SGCZ: variants seen among roughly 807,000 people sequenced by gnomAD.
The protein encoded by SGCZ is sarcoglycan zeta.
A neutral mutation model predicts 41.3 loss-of-function variants in SGCZ; 40 were observed. The ratio of observed to expected loss-of-function variants is 0.97; its 90% CI spans 0.75 to 1.26. SGCZ has a LOEUF of 1.26. SGCZ is among the 50% of genes most tolerant of loss of function. The pLI, the probability that SGCZ is intolerant of heterozygous loss-of-function variation, is 0.00. For synonymous variants in SGCZ, 206 were observed against 137.5 expected (o/e 1.50, Z -3.49); for missense variants, 552 against 369.8 (o/e 1.49, Z -4.04).
chr8:14,468,223 A>G, intron 2 of SGCZ, among the ~76,000 whole-genome samples: 1 of 152,048 alleles, frequency 6.6e-6, no homozygotes, highest in African/African-American at 2.4e-5. Context: ...TACAGATAGA[A>G]TGATATATAC....
At chr8:14,270,882 C>T (rs912828655) in intron 3 of SGCZ, among the ~76,000 whole-genome samples, 1 of 152,060 alleles carries the variant, frequency 6.6e-6, no homozygotes, top group African/African-American at 2.4e-5. Context: ...AAATGATGAG[C>T]TCATGTACTT....
At chr8:15,048,158 T>C (rs1804379390) in intron 1 of SGCZ, among the ~76,000 whole-genome samples, 1 of 152,018 alleles carries the variant, frequency 6.6e-6, no homozygotes, top group Non-Finnish European at 1.5e-5. Flanking sequence ...CATAAAAGAA[T>C]GAAAACCTGT....
intron 2 of SGCZ, among the ~76,000 whole-genome samples, chr8:14,549,762 G>T (rs933236696): frequency 6.6e-6 from 1 of 151,856 alleles, no homozygotes; most frequent in South Asian, 2.1e-4. Flanking sequence ...TATGAATACA[G>T]ACAAATAAAA....
chr8:14,653,718 A>G (rs988031460), intron 1 of SGCZ, among the ~76,000 whole-genome samples: 1 of 151,254 alleles, frequency 6.6e-6, no homozygotes, highest in Admixed American at 6.6e-5. Flanking sequence ...CTTCACAGAC[A>G]TAATCCAAAC....
chr8:15,058,389 T>A (rs1804793477), intron 1 of SGCZ, among the ~76,000 whole-genome samples: 1 of 152,168 alleles, frequency 6.6e-6, no homozygotes, highest in South Asian at 2.1e-4. Flanking sequence ...TCTGCTTTGA[T>A]GGGATGGGTG....
intron 2 of SGCZ, among the ~76,000 whole-genome samples, chr8:14,345,675 TAA>T (rs1211088177): frequency 6.6e-6 from 1 of 152,114 alleles, no homozygotes; most frequent in Non-Finnish European, 1.5e-5. Context: ...GCTCAGTTCC[TAA>T]AGATTTGTTT....
At chr8:14,469,665 G>C (rs959460342) in intron 2 of SGCZ, among the ~76,000 whole-genome samples, 3 of 151,926 alleles carry the variant, frequency 2.0e-5, no homozygotes, top group African/African-American at 7.2e-5. Context: ...GGCATGATTA[G>C]AGGGTTAGAA....
At chr8:14,811,180 T>A (rs185784964) in intron 1 of SGCZ, among the ~76,000 whole-genome samples, 1 of 152,150 alleles carries the variant, frequency 6.6e-6, no homozygotes, top group Admixed American at 6.5e-5. Context: ...CATCATAAAC[T>A]TAGATTTCAA....
At position 14,602,013 on chromosome 8, in the gene SGCZ, G is replaced by A. The variant is rs548538989; in HGVS notation, c.40-47087C>T. ...CGGGCGCCTGTAGTCCCAGCTACTCGGGAGGCTGAGGCAGGAGAATGGCAT... is the reference window on the plus strand; with the variant it reads ...CGGGCGCCTGTAGTCCCAGCTACTCAGGAGGCTGAGGCAGGAGAATGGCAT... On this transcript the variant is annotated intron_variant, in intron 1 of 7. Transcript: ENST00000382080. 2.1e-3 allele frequency among the ~76,000 whole-genome samples: 327 copies of A among 152,132 alleles called. 1 individual carries two copies. The highest frequency in any genetic ancestry group is 6.8e-3 in the Middle Eastern group (2 of 294).
At chr8:14,251,046 G>A (rs559343133) in intron 3 of SGCZ, among the ~76,000 whole-genome samples, 2 of 152,222 alleles carry the variant, frequency 1.3e-5, no homozygotes, top group Non-Finnish European at 2.9e-5. Flanking sequence ...TGGCCAACAT[G>A]GCGAAACCCC....
chr8:14,169,297 A>G (rs896172779), intron 4 of SGCZ, among the ~76,000 whole-genome samples: 1 of 152,086 alleles, frequency 6.6e-6, no homozygotes, highest in Non-Finnish European at 1.5e-5. Context: ...TGCTCCCAGT[A>G]CCCCATCCTC....
At chr8:14,965,061 TAA>T (rs915055351) in intron 1 of SGCZ, among the ~76,000 whole-genome samples, 1 of 152,062 alleles carries the variant, frequency 6.6e-6, no homozygotes, top group Non-Finnish European at 1.5e-5. Flanking sequence ...TTCTACATGC[TAA>T]GAGTCACAAA....
chr8:14,936,343 A>C (rs756869842), intron 1 of SGCZ, among the ~76,000 whole-genome samples: 1 of 151,996 alleles, frequency 6.6e-6, no homozygotes, highest in African/African-American at 2.4e-5. Context: ...ATCTTAGCCT[A>C]GCCTACCTTA....
intron 1 of SGCZ, among the ~76,000 whole-genome samples, chr8:15,107,565 T>C (rs1238896727): frequency 7.2e-5 from 11 of 152,198 alleles, no homozygotes; most frequent in Non-Finnish European, 1.3e-4. Context: ...AGAATCAGCA[T>C]GAGGCCCTCA....
chr8:14,614,158 C>G (rs1014966838), intron 1 of SGCZ, among the ~76,000 whole-genome samples: 5 of 152,002 alleles, frequency 3.3e-5, no homozygotes, highest in Non-Finnish European at 5.9e-5. Context: ...ATGTCCGTTG[C>G]TAAATTAAAT....
intron 1 of SGCZ, among the ~76,000 whole-genome samples, chr8:15,140,104 A>G (rs1018083109): frequency 1.3e-5 from 2 of 151,904 alleles, no homozygotes; most frequent in African/African-American, 2.4e-5. Flanking sequence ...CTCTGCAACC[A>G]TCACTCCCAG....
chr8:14,331,618 C>T (rs1802328286), intron 2 of SGCZ, among the ~76,000 whole-genome samples: 1 of 152,042 alleles, frequency 6.6e-6, no homozygotes, highest in Non-Finnish European at 1.5e-5. Context: ...TGTACGGAAA[C>T]ATTTTTATAG....
intron 4 of SGCZ, among the ~76,000 whole-genome samples, chr8:14,177,315 A>C (rs1260921787): frequency 6.6e-6 from 1 of 151,870 alleles, no homozygotes; most frequent in East Asian, 1.9e-4. Flanking sequence ...AAGGATTGAA[A>C]CTCCTGCAAA....
intron 1 of SGCZ, among the ~76,000 whole-genome samples, chr8:14,857,181 C>T (rs1461881566): frequency 6.6e-6 from 1 of 152,152 alleles, no homozygotes; most frequent in Non-Finnish European, 1.5e-5. Context: ...GCTAACCCTT[C>T]ACCTCCTGCC....
Sources: allele counts gnomAD v4.1 joint callset (sites outside exome capture counted in the v4.1 genomes callset), GRCh38; gene constraint gnomAD v4.1.1; transcripts MANE v1.5; gene names NCBI Gene and HGNC (gene_info 2026-07-23, HGNC 2026-07-21).